The following BANK1 variants were observed in gnomAD, a reference collection of about 807,000 sequenced individuals.
The protein encoded by BANK1 is B cell scaffold protein with ankyrin repeats 1.
In BANK1, 95 loss-of-function variants were observed where a neutral mutation model predicts 94.5. The observed-to-expected ratio is 1.00, with a 90% CI of 0.85 to 1.19. The LOEUF is 1.19. Ranked by LOEUF, BANK1 falls within the 50% of genes most tolerant of loss-of-function variation. The probability of loss-of-function intolerance (pLI) is 0.00; values close to 1 mark genes in which losing one functional copy is unlikely to be tolerated. For synonymous variants in BANK1, 334 were observed against 308.4 expected (o/e 1.08, Z -0.87); for missense variants, 987 against 932.2 (o/e 1.06, Z -0.77).
At chr4:101,918,813 G>C (rs980057265) in intron 7 of BANK1, among the ~76,000 whole-genome samples, 6 of 151,800 alleles carry the variant, frequency 4.0e-5, no homozygotes, top group African/African-American at 1.2e-4. Flanking sequence ...TAAGCTTCTG[G>C]CTATTTTGGC....
At chr4:101,871,845 G>C (rs1358200644) in intron 5 of BANK1, among the ~76,000 whole-genome samples, 1 of 151,988 alleles carries the variant, frequency 6.6e-6, no homozygotes. Flanking sequence ...ATTTTCTGTT[G>C]GTCTTTCTGT....
In BANK1 at chr4:101,855,179, T is replaced by G; in HGVS notation, c.614T>G (p.Ile205Ser). ...IPLAVVLPTE[I>S]PCENPGEIFI... is the part of the protein sequence containing the mutation. ...CTAGCAGTGGTGCTTCCCACTGAAA[T>G]TCCATGTGAGGTCAGTAAAGATACC... The change falls in exon 3 of 17, where the codon ATT becomes AGT. Residue 205 changes from isoleucine to serine, a missense_variant. By Grantham distance (142) the Ile-to-Ser change is moderately radical (BLOSUM62 -2). Transcript: ENST00000322953. The G allele has an allele frequency of 6.2e-7, 1 of 1,612,924 alleles. No homozygotes were observed. Among genetic ancestry groups the G allele is most frequent in the South Asian group, 1.1e-5 (1 of 90,974 alleles).
intron 7 of BANK1, among the ~76,000 whole-genome samples, chr4:101,973,152 C>G (rs1429474328): frequency 2.6e-5 from 4 of 151,836 alleles, no homozygotes; most frequent in African/African-American, 9.7e-5. Flanking sequence ...TTCAAATGCT[C>G]TCACCACAAC....
chr4:101,823,350 A>AAT (rs1726245172), intron 1 of BANK1, among the ~76,000 whole-genome samples: 1 of 152,206 alleles, frequency 6.6e-6, no homozygotes, highest in Non-Finnish European at 1.5e-5. Flanking sequence ...GTATTTTATG[A>AAT]ATATATATAC....
At chr4:102,019,816 A>T (rs538096807) in intron 7 of BANK1, among the ~76,000 whole-genome samples, 10 of 152,206 alleles carry the variant, frequency 6.6e-5, no homozygotes. Context: ...TTTATTCTGG[A>T]GAAAACAATT....
intron 7 of BANK1, among the ~76,000 whole-genome samples, chr4:101,959,561 C>T (rs528411312): frequency 7.9e-5 from 12 of 152,284 alleles, no homozygotes; most frequent in African/African-American, 2.2e-4. Flanking sequence ...AAAAGTATAA[C>T]GAATAGTGGC....
At chr4:101,941,228 T>G (rs1387135967) in intron 7 of BANK1, among the ~76,000 whole-genome samples, 1 of 151,628 alleles carries the variant, frequency 6.6e-6, no homozygotes, top group Non-Finnish European at 1.5e-5. Context: ...GGGGTGGAGT[T>G]GGATAATTCT....
intron 5 of BANK1, among the ~76,000 whole-genome samples, chr4:101,876,531 C>T (rs138433806): frequency 3.9e-5 from 6 of 152,246 alleles, no homozygotes; most frequent in Non-Finnish European, 8.8e-5. Context: ...CGGCTTAGAT[C>T]ACAACACACA....
intron 7 of BANK1, among the ~76,000 whole-genome samples, chr4:101,948,623 G>A (rs1724023344): frequency 6.6e-6 from 1 of 152,132 alleles, no homozygotes; most frequent in Non-Finnish European, 1.5e-5. Flanking sequence ...TTCAAAATCT[G>A]GGAGGTGCTG....
intron 3 of BANK1, among the ~76,000 whole-genome samples, chr4:101,861,023 A>G (rs1274777796): frequency 6.6e-6 from 1 of 152,194 alleles, no homozygotes; most frequent in East Asian, 1.9e-4. Flanking sequence ...AGGCCCTGTG[A>G]GGAGGAGGTT....
intron 2 of BANK1, among the ~76,000 whole-genome samples, chr4:101,846,184 A>T (rs1440345469): frequency 6.6e-6 from 1 of 152,220 alleles, no homozygotes; most frequent in Non-Finnish European, 1.5e-5. Flanking sequence ...CCAAATGTCC[A>T]ACAATGATAG....
chr4:102,052,149 C>T (rs1728074382), intron 11 of BANK1, among the ~76,000 whole-genome samples: 2 of 135,620 alleles, frequency 1.5e-5, no homozygotes, highest in South Asian at 2.4e-4. Flanking sequence ...GACAGAGTCT[C>T]GCTCTGTTGC....
At chr4:101,976,971 A>T (rs1473295441) in intron 7 of BANK1, 4 of 152,140 alleles carry the variant, frequency 2.6e-5, no homozygotes, top group Non-Finnish European at 2.9e-5. Flanking sequence ...TATGAATTAG[A>T]AAGTAAAATT....
chr4:101,864,034 A>G (rs559629438), intron 4 of BANK1, among the ~76,000 whole-genome samples: 34 of 152,308 alleles, frequency 2.2e-4, no homozygotes, highest in Non-Finnish European at 4.4e-4. Context: ...AATTATAAGA[A>G]AAGCAGAAAA....
chr4:101,903,183 G>A (rs904233028), intron 6 of BANK1, among the ~76,000 whole-genome samples: 3 of 152,132 alleles, frequency 2.0e-5, no homozygotes, highest in Non-Finnish European at 4.4e-5. Context: ...CCTTCAATTG[G>A]TTTGGATTTA....
chr4:101,955,492 C>T (rs552365340), intron 7 of BANK1, among the ~76,000 whole-genome samples: 28 of 151,976 alleles, frequency 1.8e-4, no homozygotes, highest in African/African-American at 6.5e-4. Flanking sequence ...CCTTTGATGC[C>T]ATGAATTTTG....
intron 7 of BANK1, among the ~76,000 whole-genome samples, chr4:101,958,740 C>T (rs1023386381): frequency 9.2e-5 from 14 of 152,100 alleles, no homozygotes; most frequent in African/African-American, 3.4e-4. Context: ...TGGATACTGA[C>T]ATCCATCCTC....
intron 1 of BANK1, among the ~76,000 whole-genome samples, chr4:101,801,984 C>T (rs28649402): frequency 0.026 from 3,969 of 152,282 alleles, 179 homozygotes; most frequent in African/African-American, 0.088. Flanking sequence ...CTGCTAGGGT[C>T]TAAGGGTCTT....
At chr4:101,965,021 T>C (rs932733602) in intron 7 of BANK1, among the ~76,000 whole-genome samples, 30 of 148,994 alleles carry the variant, frequency 2.0e-4, no homozygotes, top group African/African-American at 7.4e-4. Flanking sequence ...CGGTGTTTGG[T>C]TTTTTGTTCT....
Sources: allele counts gnomAD v4.1 joint callset (sites outside exome capture counted in the v4.1 genomes callset), GRCh38; gene constraint gnomAD v4.1.1; transcripts MANE v1.5; gene names NCBI Gene and HGNC (gene_info 2026-07-23, HGNC 2026-07-21).